ATP2B2: variants seen among roughly 807,000 people sequenced by gnomAD.
The protein encoded by ATP2B2 is plasma membrane calcium-transporting ATPase 2.
In ATP2B2, 15 loss-of-function variants were observed where a neutral mutation model predicts 120.0. The ratio of observed to expected loss-of-function variants is 0.12; its 90% CI spans 0.08 to 0.19. The LOEUF is 0.19. ATP2B2 is among the 10% of genes least tolerant of loss of function. ATP2B2 has a pLI of 1.00. For missense variants in ATP2B2, 1,045 were observed against 1,719.8 expected (o/e 0.61, Z 6.94); for synonymous variants, 694 against 700.3 (o/e 0.99, Z 0.14).
Position 10,378,367 on chromosome 3 carries a change from G to C in ATP2B2, c.1086C>G (p.Leu362=). ...CAGCGTCGCCGCCCTCGGCACTCTT[G>C]AGGGGCTGCATCTCCATGGCGGCTG... ...DGAAAMEMQP[L]KSAEGGDADD... Residue 362 remains leucine, a synonymous_variant, in exon 10 of 23, where the codon CTC becomes CTG. Transcript: ENST00000360273. The C allele has an allele frequency of 6.2e-7, 1 of 1,605,480 alleles. No individual in the cohort carries two copies. The highest frequency in any genetic ancestry group is 1.1e-5 in the South Asian group (1 of 91,090).
chr3:10,450,209 C>T (rs556652843), intron 1 of ATP2B2, among the ~76,000 whole-genome samples: 1 of 152,112 alleles, frequency 6.6e-6, no homozygotes, highest in Non-Finnish European at 1.5e-5. Flanking sequence ...GCCACACACA[C>T]GTCAACACCC....
intron 1 of ATP2B2, among the ~76,000 whole-genome samples, chr3:10,501,379 T>TC (rs886305906): frequency 6.6e-6 from 1 of 150,984 alleles, no homozygotes; most frequent in Non-Finnish European, 1.5e-5. Context: ...AACGGTTTTT[T>TC]TTTTTTTTTG....
chr3:10,445,931 T>C (rs1049949422), intron 2 of ATP2B2, among the ~76,000 whole-genome samples: 5 of 152,148 alleles, frequency 3.3e-5, no homozygotes, highest in African/African-American at 1.2e-4. Context: ...GTGGGACAAA[T>C]GCTCCATATG....
Position 10,552,665 on chromosome 3 carries a change from G to A in ATP2B2, c.-414-18532C>T, listed in dbSNP as rs1001701107. 5.9e-5 allele frequency among the ~76,000 whole-genome samples: 9 copies of A among 152,226 alleles called. No homozygotes were observed. The South Asian group carries it at 6.2e-4, about 11-fold the overall frequency. On this transcript the variant is annotated intron_variant, in intron 2 of 21. Transcript: ENST00000646379. ...CTCCTCTTACAAATGAAGAAACTGA[G>A]GCTAGAAGTTGCCCGAGGCCACAGT...
intron 1 of ATP2B2, among the ~76,000 whole-genome samples, chr3:10,483,280 A>C (rs548805230): frequency 2.0e-5 from 3 of 152,356 alleles, no homozygotes; most frequent in South Asian, 4.1e-4. Context: ...AGAGGAGTTA[A>C]TGACTGGCGT....
intron 2 of ATP2B2, among the ~76,000 whole-genome samples, chr3:10,434,938 T>A (rs2063431147): frequency 1.3e-5 from 2 of 152,166 alleles, no homozygotes; most frequent in African/African-American, 2.4e-5. Flanking sequence ...TGAGCCCCAG[T>A]GTGGTTTGGA....
chr3:10,447,623 G>C (rs536384541), intron 2 of ATP2B2, among the ~76,000 whole-genome samples: 1 of 152,182 alleles, frequency 6.6e-6, no homozygotes, highest in Admixed American at 6.5e-5. Context: ...ACAGGCAAAG[G>C]CCACTTGAAC....
chr3:10,559,523 A>C (rs1046296840), intron 2 of ATP2B2, among the ~76,000 whole-genome samples: 2 of 150,710 alleles, frequency 1.3e-5, no homozygotes, highest in African/African-American at 2.4e-5. Context: ...GTGTCCACTA[A>C]AAAGAAAAGG....
Position 10,328,653 on chromosome 3 carries a change from A to C in ATP2B2, c.*161T>G. 1.4e-6 allele frequency: 1 copy of C among 713,794 alleles called. No individual in the cohort carries two copies. The allele number at this position is 713,794 out of a possible 1,614,324, so 44.2% of individuals were successfully genotyped here. A position where few individuals can be genotyped will look rare whatever the true frequency, so the allele number is the denominator to read the frequency against. On this transcript the variant is annotated 3_prime_UTR_variant, in exon 23 of 23. Transcript: ENST00000360273. ...GTTCAAACAGCATCGCAGCCAGAGA[A>C]AGGGTCTGTGGGTGGAAACGTTGGT...
At chr3:10,621,314 C>T (rs1379872484) in intron 1 of ATP2B2, among the ~76,000 whole-genome samples, 2 of 152,222 alleles carry the variant, frequency 1.3e-5, no homozygotes, top group Non-Finnish European at 2.9e-5. Context: ...TTGCAGGGAA[C>T]CCACAGCCAC....
chr3:10,523,852 A>AAAAAAT (rs2067034909), intron 3 of ATP2B2, among the ~76,000 whole-genome samples: 1 of 152,026 alleles, frequency 6.6e-6, no homozygotes, highest in African/African-American at 2.4e-5. Context: ...AGAAAAAAAA[A>AAAAAAT]AAAATAAAAG....
At chr3:10,694,806 A>G (rs2071717434) in intron 1 of ATP2B2, among the ~76,000 whole-genome samples, 1 of 152,164 alleles carries the variant, frequency 6.6e-6, no homozygotes. Context: ...CTTGGGCATT[A>G]CAAAGACTTA....
chr3:10,491,618 G>T (rs799320), intron 1 of ATP2B2, among the ~76,000 whole-genome samples: 84,673 of 151,986 alleles, frequency 0.56, 25,463 homozygotes, highest in East Asian at 0.81. Flanking sequence ...TCATCTACAC[G>T]GGCTTCTGCC....
intron 1 of ATP2B2, among the ~76,000 whole-genome samples, chr3:10,634,146 T>G (rs934643900): frequency 2.6e-5 from 4 of 152,238 alleles, no homozygotes; most frequent in African/African-American, 9.6e-5. Flanking sequence ...AGATGGCGAC[T>G]GAGTTCCTTT....
chr3:10,513,516 T>A (rs114522697), intron 3 of ATP2B2, among the ~76,000 whole-genome samples: 5,247 of 152,028 alleles, frequency 0.035, 179 homozygotes, highest in East Asian at 0.14. Flanking sequence ...AAGCCCTCGG[T>A]GAGGGCCCTG....
intron 18 of ATP2B2, among the ~76,000 whole-genome samples, chr3:10,345,013 T>A (rs1031383712): frequency 2.6e-5 from 4 of 152,158 alleles, no homozygotes; most frequent in African/African-American, 9.7e-5. Flanking sequence ...TGATCCCCCT[T>A]GGGCCCTGGC....
intron 2 of ATP2B2, among the ~76,000 whole-genome samples, chr3:10,580,885 T>A (rs1322913996): frequency 1.3e-5 from 2 of 152,250 alleles, no homozygotes; most frequent in Non-Finnish European, 2.9e-5. Context: ...CGTTTTCACA[T>A]ATTATATAGC....
At chr3:10,705,065 A>G (rs938594949) in intron 1 of ATP2B2, among the ~76,000 whole-genome samples, 2 of 152,236 alleles carry the variant, frequency 1.3e-5, no homozygotes, top group African/African-American at 4.8e-5. Flanking sequence ...CAGTGATTCC[A>G]TATAACAAAA....
At chr3:10,644,135 C>T (rs143953673) in intron 1 of ATP2B2, among the ~76,000 whole-genome samples, 51 of 152,138 alleles carry the variant, frequency 3.4e-4, no homozygotes, top group African/African-American at 5.8e-4. Context: ...GACATTTCCC[C>T]GAAGAATATA....
Sources: allele counts gnomAD v4.1 joint callset (sites outside exome capture counted in the v4.1 genomes callset), GRCh38; gene constraint gnomAD v4.1.1; transcripts MANE v1.5; gene names NCBI Gene and HGNC (gene_info 2026-07-23, HGNC 2026-07-21).